The following CYTIP variants were observed in gnomAD, a reference collection of about 807,000 sequenced individuals.
CYTIP encodes the protein cytohesin-interacting protein.
In CYTIP, 26 loss-of-function variants were observed where a neutral mutation model predicts 43.8. That is an observed-to-expected ratio of 0.59 (90% CI 0.44 to 0.82). The LOEUF is 0.82. Among genes scored for constraint, CYTIP ranks in the 40% least tolerant of loss-of-function variants. CYTIP has a pLI of 0.00. For missense variants in CYTIP, 426 were observed against 443.1 expected, an observed-to-expected ratio of 0.96 and a Z score of 0.35; for synonymous variants, 162 against 162.9, an observed-to-expected ratio of 0.99 and a Z score of 0.04.
chr2:157,434,618 G>GAGT, intron 2 of CYTIP, 80 bp downstream of exon 2: 1 of 1,001,988 alleles, frequency 1.0e-6, no homozygotes, highest in Non-Finnish European at 1.5e-6. Context: ...AGAGAGAGAG[G>GAGT]AAGAGAGAGG....
At chr2:157,430,683 G>T in intron 4 of CYTIP, 31 bp from the exon 5 acceptor site, 1 of 1,591,540 alleles carries the variant, frequency 6.3e-7, no homozygotes, top group Non-Finnish European at 8.6e-7. Flanking sequence ...TGAGTGTTAT[G>T]TTGGTTAGTT....
At chr2:157,424,860 T>C (rs946662550) in intron 6 of CYTIP, among the ~76,000 whole-genome samples, 1 of 152,144 alleles carries the variant, frequency 6.6e-6, no homozygotes, top group Non-Finnish European at 1.5e-5. Flanking sequence ...CCACGGATCA[T>C]ATTAGAAAGC....
intron 6 of CYTIP, among the ~76,000 whole-genome samples, chr2:157,425,783 C>T (rs1202593494): frequency 6.6e-6 from 1 of 151,984 alleles, no homozygotes; most frequent in Non-Finnish European, 1.5e-5. Context: ...TTTGCAAAAA[C>T]AAATTAACTT....
At chr2:157,418,087 A>T (rs943492747) in intron 7 of CYTIP, among the ~76,000 whole-genome samples, 1 of 152,264 alleles carries the variant, frequency 6.6e-6, no homozygotes, top group Non-Finnish European at 1.5e-5. Context: ...GCATAAATGC[A>T]ACTTATGCAA....
At chr2:157,419,520 A>G (rs1254910967) in intron 6 of CYTIP, among the ~76,000 whole-genome samples, 1 of 152,206 alleles carries the variant, frequency 6.6e-6, no homozygotes, top group Non-Finnish European at 1.5e-5. Context: ...GACTGAGGCA[A>G]TGGCAATCTA....
Position 157,443,986 on chromosome 2 carries a change from TTGCTGCTG to T in CYTIP, c.27_34del (p.His9GlnfsTer14). On this transcript the variant is annotated frameshift_variant, in exon 1 of 8. Coordinates refer to ENST00000264192, the MANE Select transcript of CYTIP (RefSeq NM_004288.5). LOFTEE classifies it high-confidence loss of function. ...AGCGCAGAAGTCCGCCAAATTGCCATTGCTGCTGTGTTGCAGGAGCCTTTGTAAAGACA... is the reference window on the plus strand; with the variant it reads ...AGCGCAGAAGTCCGCCAAATTGCCATTGTTGCAGGAGCCTTTGTAAAGACA... 1 of 1,614,086 alleles carries T rather than the reference TTGCTGCTG, an allele frequency of 6.2e-7. No homozygotes were observed. The highest frequency in any genetic ancestry group is 2.2e-5 in the East Asian group (1 of 44,884).
rs1685426784 is a variant in CYTIP, at chr2:157,415,603, C to T, written c.*74G>A. 1 of 1,036,056 alleles carries T rather than the reference C, an allele frequency of 9.7e-7. No homozygotes were observed. The highest frequency in any genetic ancestry group is 1.4e-6 in the Non-Finnish European group (1 of 695,978). 64.2% of individuals were successfully genotyped at this position (1,036,056 alleles called of 1,614,324 possible). A position where few individuals can be genotyped will look rare whatever the true frequency, so the allele number is the denominator to read the frequency against. Reference sequence around the variant, plus strand: ...CAGTTTTGCAATTCTTCTGCACTTTCCCACCAAGCTGGGATCTGGGTGAGT... The same window carrying T: ...CAGTTTTGCAATTCTTCTGCACTTTTCCACCAAGCTGGGATCTGGGTGAGT... On this transcript the variant is annotated 3_prime_UTR_variant, in exon 8 of 8. Coordinates refer to ENST00000264192, the MANE Select transcript of CYTIP (RefSeq NM_004288.5).
intron 1 of CYTIP, among the ~76,000 whole-genome samples, chr2:157,435,909 T>C (rs1257841313): frequency 1.3e-5 from 2 of 152,164 alleles, no homozygotes; most frequent in Non-Finnish European, 2.9e-5. Context: ...TATTAAGACA[T>C]TCATTAGGAG....
At chr2:157,429,143 A>G (rs1327112921) in intron 5 of CYTIP, among the ~76,000 whole-genome samples, 1 of 152,230 alleles carries the variant, frequency 6.6e-6, no homozygotes, top group African/African-American at 2.4e-5. Flanking sequence ...GGCATGTCCA[A>G]AGAGATCCAT....
At chr2:157,443,725 A>G in intron 1 of CYTIP, 122 bp downstream of exon 1, 1 of 1,073,804 alleles carries the variant, frequency 9.3e-7, no homozygotes, top group Non-Finnish European at 1.3e-6. Flanking sequence ...CTTCACCCAT[A>G]ATAATCAGCC....
chr2:157,436,163 A>G (rs1194025196), intron 1 of CYTIP, among the ~76,000 whole-genome samples: 1 of 152,224 alleles, frequency 6.6e-6, no homozygotes, highest in Non-Finnish European at 1.5e-5. Context: ...AGACCCAAAA[A>G]GATTCTCTAG....
At chr2:157,437,396 G>A (rs1256936815) in intron 1 of CYTIP, among the ~76,000 whole-genome samples, 3 of 151,968 alleles carry the variant, frequency 2.0e-5, no homozygotes, top group Middle Eastern at 3.4e-3. Context: ...CTGAACAGAC[G>A]TTCCTCAAAG....
In CYTIP at chr2:157,414,847, G is replaced by GA. The variant is rs1287341771; in HGVS notation, c.*829dup. The GA allele has an allele frequency of 1.3e-5, 2 of 152,036 alleles. No homozygotes were observed. Among genetic ancestry groups the GA allele is most frequent in the African/African-American group, 4.8e-5 (2 of 41,412 alleles). The allele number at this position is 152,036 out of a possible 1,614,324, so 9.4% of individuals were successfully genotyped here. On this transcript the variant is annotated 3_prime_UTR_variant, in exon 8 of 8. Transcript: ENST00000264192. ...TAAGATATAAAGTGAGAAGTAATAT[G>GA]AAAAAAACTACAGGAGGGAAGTCCT...
intron 1 of CYTIP, among the ~76,000 whole-genome samples, chr2:157,437,746 C>T (rs188820240): frequency 4.8e-5 from 7 of 144,710 alleles, no homozygotes; most frequent in Non-Finnish European, 9.2e-5. Context: ...AGAAGACATA[C>T]AAATGGCTAA....
At chr2:157,443,153 G>A (rs1463578738) in intron 1 of CYTIP, among the ~76,000 whole-genome samples, 1 of 152,150 alleles carries the variant, frequency 6.6e-6, no homozygotes, top group Non-Finnish European at 1.5e-5. Context: ...CACACTGAAT[G>A]CCAGTCACTG....
chr2:157,422,742 T>C (rs1685541862), intron 6 of CYTIP, among the ~76,000 whole-genome samples: 1 of 150,190 alleles, frequency 6.7e-6, no homozygotes, highest in South Asian at 2.1e-4. Flanking sequence ...CTCTGAGAGA[T>C]ATAATCCTCT....
intron 1 of CYTIP, among the ~76,000 whole-genome samples, chr2:157,440,888 TG>T (rs1357771527): frequency 1.2e-4 from 18 of 152,068 alleles, no homozygotes; most frequent in Admixed American, 1.1e-3. Context: ...TGATAGAGAC[TG>T]TCCTTAATTC....
chr2:157,415,842 G>C lies in CYTIP; in HGVS notation c.915C>G (p.Ile305Met). 2 of 1,614,228 alleles carry C rather than the reference G, an allele frequency of 1.2e-6. No individual in the cohort carries two copies. The highest frequency in any genetic ancestry group is 1.7e-5 in the Admixed American group (1 of 60,022). ...RRSSSRRNRSISNTSSGSMSP... is the reference protein window; with the variant it reads ...RRSSSRRNRSMSNTSSGSMSP... Reference sequence around the variant, plus strand: ...ACATGGATCCGCTGCTGGTGTTACTGATGCTCCGGTTCCTCCTTGAAGATG... The same window carrying C: ...ACATGGATCCGCTGCTGGTGTTACTCATGCTCCGGTTCCTCCTTGAAGATG... The change falls in exon 8 of 8, where the codon ATC becomes ATG. Residue 305 changes from isoleucine (I) to methionine (M), a missense_variant. Coordinates refer to ENST00000264192, the MANE Select transcript of CYTIP (RefSeq NM_004288.5).
At chr2:157,423,062 A>G (rs1685548938) in intron 6 of CYTIP, among the ~76,000 whole-genome samples, 1 of 152,084 alleles carries the variant, frequency 6.6e-6, no homozygotes. Context: ...ATATTCCAAA[A>G]AGATTGAGTT....
Sources: allele counts gnomAD v4.1 joint callset (sites outside exome capture counted in the v4.1 genomes callset), GRCh38; gene constraint gnomAD v4.1.1; transcripts MANE v1.5; gene names NCBI Gene and HGNC (gene_info 2026-07-23, HGNC 2026-07-21).